Variants in SUN1 observed in about 807,000 individuals in gnomAD.
SUN1 encodes the protein Sad1 and UNC84 domain containing 1.
In SUN1, 61 loss-of-function variants were observed where a neutral mutation model predicts 103.2. The ratio of observed to expected loss-of-function variants is 0.59; its 90% confidence interval spans 0.48 to 0.73. The LOEUF (loss-of-function observed/expected upper bound fraction) is 0.73. SUN1 is among the 30% of genes least tolerant of loss of function. The pLI is 0.00. For synonymous variants in SUN1, 490 were observed against 425.7 expected, an observed-to-expected ratio of 1.15 and a Z score of -1.86; for missense variants, 1,052 against 1,034.6, an observed-to-expected ratio of 1.02 and a Z score of -0.23.
chr7:861,272 T>G, intron 14 of SUN1, 108 bp from the exon 15 acceptor site: 11 of 1,107,398 alleles, frequency 9.9e-6, no homozygotes, highest in Non-Finnish European at 1.5e-5. Flanking sequence ...TAGTTTCCGT[T>G]GAGAAGATGC....
chr7:823,956 C>T (rs78452174), intron 1 of SUN1, among the ~76,000 whole-genome samples: 1 of 152,176 alleles, frequency 6.6e-6, no homozygotes, highest in African/African-American at 2.4e-5. Context: ...TTATTAATGG[C>T]TTGCAGTATA....
intron 2 of SUN1, among the ~76,000 whole-genome samples, chr7:840,587 G>T (rs1380772761): frequency 2.7e-5 from 4 of 150,660 alleles, no homozygotes; most frequent in Admixed American, 6.6e-5. Flanking sequence ...TGGCTTTCCT[G>T]TTGTCATTTG....
intron 2 of SUN1, among the ~76,000 whole-genome samples, chr7:839,550 A>AGTT (rs1284555549): frequency 6.7e-5 from 3 of 44,764 alleles, no homozygotes; most frequent in African/African-American, 8.1e-5. Context: ...CACGCCTGGC[A>AGTT]AATTTTCCTT....
chr7:851,490 T>A lies in SUN1; in HGVS notation c.757+8T>A. On this transcript the variant is annotated splice_region_variant and intron_variant, in intron 6 of 18. Transcript: ENST00000401592. ...TGGCCGTGGTTGCTCCAGGTGGCTA[T>A]TTTGGGTTTCTGTGTTGCGTTCTCT... 1 of 1,597,444 alleles carries A rather than the reference T, an allele frequency of 6.3e-7. No homozygotes were observed. The highest frequency in any genetic ancestry group is 8.5e-7 in the Non-Finnish European group (1 of 1,171,792).
intron 1 of SUN1, among the ~76,000 whole-genome samples, chr7:838,544 C>T (rs949850903): frequency 1.4e-4 from 21 of 152,170 alleles, no homozygotes; most frequent in South Asian, 4.1e-4. Flanking sequence ...GAGTTGTAGA[C>T]GCTGGGCCCC....
intron 13 of SUN1, among the ~76,000 whole-genome samples, chr7:859,662 A>G (rs1830637350): frequency 6.6e-6 from 1 of 152,250 alleles, no homozygotes; most frequent in African/African-American, 2.4e-5. Context: ...AAGAAGAGAA[A>G]GGTATACACA....
At chr7:864,952 A>G (rs1419939681) in intron 15 of SUN1, among the ~76,000 whole-genome samples, 1 of 151,204 alleles carries the variant, frequency 6.6e-6, no homozygotes, top group Non-Finnish European at 1.5e-5. Flanking sequence ...CTCTGGACCC[A>G]TTAACCATCC....
At position 869,046 on chromosome 7, in the gene SUN1, A is replaced by G. The variant is rs1314132422; in HGVS notation, c.1981-303A>G. 3 of 381,152 alleles carry G rather than the reference A, an allele frequency of 7.9e-6. No individual in the cohort carries two copies. The East Asian group carries it at 1.9e-4, about 24-fold the overall frequency. 23.6% of individuals were successfully genotyped at this position (381,152 alleles called of 1,614,324 possible). On this transcript the variant is annotated intron_variant, in intron 16 of 18. Coordinates refer to ENST00000401592, the MANE Select transcript of SUN1 (RefSeq NM_001130965.3). Reference sequence around the variant, plus strand: ...CTTCTTGCTGTGCAGGGTGGAGGGCATCTTGCCACGACCAAGGACCATTGA... The same window carrying G: ...CTTCTTGCTGTGCAGGGTGGAGGGCGTCTTGCCACGACCAAGGACCATTGA...
exon 1 of SUN1, chr7:816,642 C>G (rs770731644): frequency 1.2e-5 from 4 of 320,458 alleles, no homozygotes; most frequent in East Asian, 1.6e-4. Context: ...CTGGGCGGCG[C>G]AGACGAGGCC....
intron 15 of SUN1, among the ~76,000 whole-genome samples, chr7:862,615 C>T (rs762470765): frequency 2.2e-4 from 33 of 152,190 alleles, no homozygotes; most frequent in Non-Finnish European, 7.3e-5. Context: ...TAAGAGGCAT[C>T]AATTGACATG....
intron 2 of SUN1, 26 bp downstream of exon 2, chr7:839,012 A>G: frequency 6.6e-7 from 1 of 1,510,250 alleles, no homozygotes; most frequent in Non-Finnish European, 8.8e-7. Context: ...CTTCCTCTCC[A>G]TCTGATCTCT....
chr7:826,840 A>G (rs1792563442), intron 1 of SUN1, among the ~76,000 whole-genome samples: 1 of 152,100 alleles, frequency 6.6e-6, no homozygotes, highest in Admixed American at 6.5e-5. Context: ...AGGAGATCCC[A>G]TTGTTCATGA....
intron 5 of SUN1, among the ~76,000 whole-genome samples, chr7:847,001 C>T (rs1388179181): frequency 6.6e-6 from 1 of 152,092 alleles, no homozygotes; most frequent in African/African-American, 2.4e-5. Flanking sequence ...AAGAGCTTAT[C>T]TCTAAAAAAA....
chr7:851,328 C>G, intron 5 of SUN1, 56 bp from the exon 6 acceptor site: 1 of 1,486,358 alleles, frequency 6.7e-7, no homozygotes, highest in Admixed American at 2.0e-5. Flanking sequence ...CGTGCTGTCA[C>G]TGCAGAGGCT....
intron 5 of SUN1, among the ~76,000 whole-genome samples, chr7:846,356 C>G (rs886312412): frequency 6.6e-6 from 1 of 152,188 alleles, no homozygotes; most frequent in Non-Finnish European, 1.5e-5. Context: ...ATCCGCCCAC[C>G]TTGGCCTCCC....
chr7:838,084 G>T (rs905991000), intron 1 of SUN1, among the ~76,000 whole-genome samples: 2 of 152,208 alleles, frequency 1.3e-5, no homozygotes. Context: ...ACAGGGTCTA[G>T]CTCTGTTGCC....
At chr7:843,613 T>G (rs1450093595) in intron 5 of SUN1, 93 bp downstream of exon 5, 25 of 1,607,428 alleles carry the variant, frequency 1.6e-5, no homozygotes, top group Non-Finnish European at 2.1e-5. Flanking sequence ...CTATTTGTCT[T>G]GGAGACTTAA....
At chr7:855,941 C>T (rs1826853310) in intron 11 of SUN1, among the ~76,000 whole-genome samples, 1 of 152,212 alleles carries the variant, frequency 6.6e-6, no homozygotes, top group African/African-American at 2.4e-5. Context: ...TGGAGACCTC[C>T]ATGGAGTGAG....
intron 17 of SUN1, among the ~76,000 whole-genome samples, chr7:869,840 A>G (rs2128557818): frequency 6.6e-6 from 1 of 152,252 alleles, no homozygotes; most frequent in African/African-American, 2.4e-5. Flanking sequence ...GGCTGACAAG[A>G]GGACTGCCAT....
Sources: allele counts gnomAD v4.1 joint callset (sites outside exome capture counted in the v4.1 genomes callset), GRCh38; gene constraint gnomAD v4.1.1; transcripts MANE v1.5; gene names NCBI Gene and HGNC (gene_info 2026-07-23, HGNC 2026-07-21).